The following OR1L3 variants were observed in gnomAD, a reference collection of about 807,000 sequenced individuals.
OR1L3 encodes olfactory receptor 1L3.
For missense variants in OR1L3, 374 were observed against 386.4 expected (o/e 0.97, Z 0.27); for synonymous variants, 137 against 144.5 (o/e 0.95, Z 0.37).
In OR1L3 at chr9:122,675,952, A is replaced by G. The variant is rs373358309; in HGVS notation, c.823A>G (p.Ile275Val). 5 of 1,614,166 alleles carry G rather than the reference A, an allele frequency of 3.1e-6. No homozygotes were observed. The highest frequency in any genetic ancestry group is 1.1e-5 in the South Asian group (1 of 91,078). The stretch of plus-strand genomic sequence containing the variant: ...TACTGTCAAGGACCGAATAGCAACA[A>G]TCAACTACACTGTGTTGACATCAGT... ...SYTVKDRIAT[I>V]NYTVLTSVLN... is the part of the protein sequence containing the mutation. Residue 275 changes from isoleucine to valine, a missense_variant, in exon 1 of 1, where the codon ATC becomes GTC. Transcript: ENST00000304820.
In OR1L3 at chr9:122,675,159, T is replaced by A. The variant is rs1170544902; in HGVS notation, c.30T>A (p.Ser10=). ...GAATGTCCAACCTGACAAGACTCTC[T>A]GAATTTATTCTCTTGGGACTCTCCT... MGMSNLTRL[S]EFILLGLSSR... Residue 10 remains serine, a synonymous_variant, in exon 1 of 1, where the codon TCT becomes TCA. Transcript: ENST00000304820. 1 of 1,610,412 alleles carries A rather than the reference T, an allele frequency of 6.2e-7. No homozygotes were observed. Among genetic ancestry groups the A allele is most frequent in the Non-Finnish European group, 8.5e-7 (1 of 1,178,676 alleles).
Position 122,675,384 on chromosome 9 carries a change from C to A in OR1L3, c.255C>A (p.Phe85Leu). The A allele has an allele frequency of 6.2e-7, 1 of 1,614,206 alleles. No homozygotes were observed. The highest frequency in any genetic ancestry group is 8.5e-7 in the Non-Finnish European group (1 of 1,180,024). ...TAGTCCCAAAGATGCTCGTGAACTTCTTATCAGAGAAAAAGACCATTTCCT... is the reference window on the plus strand; with the variant it reads ...TAGTCCCAAAGATGCTCGTGAACTTATTATCAGAGAAAAAGACCATTTCCT... ...TVIVPKMLVN[F>L]LSEKKTISYA... Residue 85 changes from phenylalanine (F) to leucine (L), a missense_variant, in exon 1 of 1, where the codon TTC (phenylalanine) becomes TTA (leucine). By Grantham distance (22) the Phe-to-Leu change is conservative. Coordinates refer to ENST00000304820, the MANE Select transcript of OR1L3 (RefSeq NM_001005234.1).
Position 122,675,263 on chromosome 9 carries a change from T to A in OR1L3, c.134T>A (p.Ile45Asn), listed in dbSNP as rs1255571759. 1 of 1,614,216 alleles carries A rather than the reference T, an allele frequency of 6.2e-7. No individual in the cohort carries two copies. The highest frequency in any genetic ancestry group is 1.3e-5 in the African/African-American group (1 of 75,066). The change falls in exon 1 of 1, where the codon ATC (isoleucine) becomes AAC (asparagine). Residue 45 changes from isoleucine to asparagine, a missense_variant. Ile to Asn is a moderately radical substitution (Grantham distance 149). Transcript: ENST00000304820. Reference protein sequence around the residue: ...YLVTLMGNLLIILAIHSDPRL... With the variant: ...YLVTLMGNLLNILAIHSDPRL... Reference sequence around the variant, plus strand: ...GTCACTTTGATGGGAAATCTGCTCATCATCTTGGCTATCCACTCTGATCCT... The same window carrying A: ...GTCACTTTGATGGGAAATCTGCTCAACATCTTGGCTATCCACTCTGATCCT...
Position 122,675,888 on chromosome 9 carries a change from G to A in OR1L3, c.759G>A (p.Gly253=), listed in dbSNP as rs1252245173. 1.2e-6 allele frequency: 2 copies of A among 1,613,878 alleles called. No homozygotes were observed. Among genetic ancestry groups the A allele is most frequent in the Non-Finnish European group, 1.7e-6 (2 of 1,179,994 alleles). The change falls in exon 1 of 1, where the codon GGG becomes GGA. Residue 253 remains glycine, a synonymous_variant. Transcript: ENST00000304820. ...SHLTVVILFY[G]SISYVYLQPL... is the part of the protein sequence containing the mutation. ...TCACTGTGGTGATTCTGTTTTATGG[G>A]AGTATTAGCTATGTCTATTTGCAGC...
At position 122,675,456 on chromosome 9, in the gene OR1L3, CATAG is replaced by C. The variant is rs780210812; in HGVS notation, c.332_335del (p.Asp111ValfsTer13). On this transcript the variant is annotated frameshift_variant, in exon 1 of 1. Transcript: ENST00000304820. LOFTEE classifies it low-confidence loss of function (END_TRUNC). ...TGTATTTCTTCCTGGTTTTTGGAAACATAGATAGTTATCTCCTGGCGGCTATGGC... is the reference window on the plus strand; with the variant it reads ...TGTATTTCTTCCTGGTTTTTGGAAACATAGTTATCTCCTGGCGGCTATGGC... 10 of 1,614,104 alleles carry C rather than the reference CATAG, an allele frequency of 6.2e-6. No homozygotes were observed. Among genetic ancestry groups the C allele is most frequent in the East Asian group, 4.5e-5 (2 of 44,898 alleles).
At position 122,675,594 on chromosome 9, in the gene OR1L3, C is replaced by T; in HGVS notation, c.465C>T (p.His155=). The T allele has an allele frequency of 1.2e-6, 2 of 1,614,206 alleles. No homozygotes were observed. The highest frequency in any genetic ancestry group is 1.1e-5 in the South Asian group (1 of 91,086). Residue 155 remains histidine (H), a synonymous_variant, in exon 1 of 1, where the codon CAC becomes CAT. Coordinates refer to ENST00000304820, the MANE Select transcript of OR1L3 (RefSeq NM_001005234.1). ...TCCCCATCACTTTCTCCTATTTCCA[C>T]TCTCTCCTACATGTCCTCCTGGTGA... ...LAFPITFSYF[H]SLLHVLLVNR...
Position 122,675,370 on chromosome 9 carries a change from A to T in OR1L3, c.241A>T (p.Met81Leu). ...ICYTTVIVPK[M>L]LVNFLSEKKT... is the part of the protein sequence containing the mutation. ...CTACACAACAGTCATAGTCCCAAAGATGCTCGTGAACTTCTTATCAGAGAA... is the reference window on the plus strand; with the variant it reads ...CTACACAACAGTCATAGTCCCAAAGTTGCTCGTGAACTTCTTATCAGAGAA... Residue 81 changes from methionine (M) to leucine (L), a missense_variant, in exon 1 of 1, where the codon ATG becomes TTG. Met to Leu is a conservative substitution (Grantham distance 15). Coordinates refer to ENST00000304820, the MANE Select transcript of OR1L3 (RefSeq NM_001005234.1). The T allele has an allele frequency of 1.2e-6, 2 of 1,614,248 alleles. No individual in the cohort carries two copies. Among genetic ancestry groups the T allele is most frequent in the Non-Finnish European group, 1.7e-6 (2 of 1,180,038 alleles).
rs751990133 is a variant in OR1L3 at position 122,675,375 on chromosome 9, C to A, written c.246C>A (p.Leu82=). ...CYTTVIVPKM[L]VNFLSEKKTI... Reference sequence around the variant, plus strand: ...CAACAGTCATAGTCCCAAAGATGCTCGTGAACTTCTTATCAGAGAAAAAGA... The same window carrying A: ...CAACAGTCATAGTCCCAAAGATGCTAGTGAACTTCTTATCAGAGAAAAAGA... Residue 82 remains leucine, a synonymous_variant, in exon 1 of 1, where the codon CTC becomes CTA. Coordinates refer to ENST00000304820, the MANE Select transcript of OR1L3 (RefSeq NM_001005234.1). 6.2e-7 allele frequency: 1 copy of A among 1,614,104 alleles called. No homozygotes were observed. Among genetic ancestry groups the A allele is most frequent in the Non-Finnish European group, 8.5e-7 (1 of 1,180,044 alleles).
rs755275915 is a variant in OR1L3 at position 122,675,283 on chromosome 9, G to T, written c.154G>T (p.Asp52Tyr). ...GCTCATCATCTTGGCTATCCACTCT[G>T]ATCCTCGACTTCAAAACCCTATGTA... is the stretch of plus-strand genomic sequence containing the variant. ...NLLIILAIHS[D>Y]PRLQNPMYFF... Residue 52 changes from aspartate (D) to tyrosine (Y), a missense_variant, in exon 1 of 1, where the codon GAT becomes TAT. Transcript: ENST00000304820. 1.2e-6 allele frequency: 2 copies of T among 1,614,134 alleles called. No homozygotes were observed. Among genetic ancestry groups the T allele is most frequent in the South Asian group, 2.2e-5 (2 of 91,076 alleles).
chr9:122,676,072 T>C lies in OR1L3; in HGVS notation c.943T>C (p.Ser315Pro). The change falls in exon 1 of 1, where the codon TCT (serine) becomes CCT (proline). Residue 315 changes from serine (S) to proline (P), a missense_variant. Physicochemically the swap from Ser to Pro is moderately conservative, Grantham distance 74. Coordinates refer to ENST00000304820, the MANE Select transcript of OR1L3 (RefSeq NM_001005234.1). ...GATTAAGTCTCAAATGAGTAGGTTC[T>C]CTACAAAGACCAATAAAATCTGTGG... is the stretch of plus-strand genomic sequence containing the variant. ...NKIKSQMSRF[S>P]TKTNKICGP The C allele has an allele frequency of 6.3e-7, 1 of 1,595,162 alleles. No homozygotes were observed. Among genetic ancestry groups the C allele is most frequent in the Middle Eastern group, 1.8e-4 (1 of 5,490 alleles).
At position 122,675,576 on chromosome 9, in the gene OR1L3, C is replaced by G; in HGVS notation, c.447C>G (p.Ile149Met). Residue 149 changes from isoleucine (I) to methionine (M), a missense_variant, in exon 1 of 1, where the codon ATC (isoleucine) becomes ATG (methionine). Transcript: ENST00000304820. ...RCCVLLLAFP[I>M]TFSYFHSLLH... is the part of the protein sequence containing the mutation. ...GTGTGTTGCTACTAGCATTCCCCATCACTTTCTCCTATTTCCACTCTCTCC... is the reference window on the plus strand; with the variant it reads ...GTGTGTTGCTACTAGCATTCCCCATGACTTTCTCCTATTTCCACTCTCTCC... 1 of 1,614,182 alleles carries G rather than the reference C, an allele frequency of 6.2e-7. No individual in the cohort carries two copies. Among genetic ancestry groups the G allele is most frequent in the Non-Finnish European group, 8.5e-7 (1 of 1,180,026 alleles).
chr9:122,675,151 A>G lies in OR1L3; in HGVS notation c.22A>G (p.Arg8Gly). Reference protein sequence around the residue: MGMSNLTRLSEFILLGLS... With the variant: MGMSNLTGLSEFILLGLS... ...GTCCATGGGAATGTCCAACCTGACAAGACTCTCTGAATTTATTCTCTTGGG... is the reference window on the plus strand; with the variant it reads ...GTCCATGGGAATGTCCAACCTGACAGGACTCTCTGAATTTATTCTCTTGGG... The change falls in exon 1 of 1, where the codon AGA (arginine) becomes GGA (glycine). Residue 8 changes from arginine (R) to glycine (G), a missense_variant. By Grantham distance (125) the Arg-to-Gly change is moderately radical. Coordinates refer to ENST00000304820, the MANE Select transcript of OR1L3 (RefSeq NM_001005234.1). The G allele has an allele frequency of 6.2e-7, 1 of 1,608,284 alleles. No individual in the cohort carries two copies.
At position 122,675,979 on chromosome 9, in the gene OR1L3, T is replaced by G; in HGVS notation, c.850T>G (p.Leu284Val). The change falls in exon 1 of 1, where the codon TTG becomes GTG. Residue 284 changes from leucine (L) to valine (V), a missense_variant. Physicochemically the swap from Leu to Val is conservative, Grantham distance 32. Coordinates refer to ENST00000304820, the MANE Select transcript of OR1L3 (RefSeq NM_001005234.1). ...TINYTVLTSV[L>V]NPFIYSLRNK... ...CAACTACACTGTGTTGACATCAGTG[T>G]TGAACCCATTTATCTACAGTTTAAG... 6.2e-7 allele frequency: 1 copy of G among 1,614,180 alleles called. No homozygotes were observed.
Position 122,675,424 on chromosome 9 carries a change from G to A in OR1L3, c.295G>A (p.Ala99Thr). The A allele has an allele frequency of 6.2e-7, 1 of 1,614,124 alleles. No homozygotes were observed. The highest frequency in any genetic ancestry group is 8.5e-7 in the Non-Finnish European group (1 of 1,180,018). Residue 99 changes from alanine to threonine, a missense_variant, in exon 1 of 1, where the codon GCA (alanine) becomes ACA (threonine). By Grantham distance (58) the Ala-to-Thr change is moderately conservative. Coordinates refer to ENST00000304820, the MANE Select transcript of OR1L3 (RefSeq NM_001005234.1). ...GACCATTTCCTATGCTGAATGTCTG[G>A]CACAGATGTATTTCTTCCTGGTTTT... ...KKTISYAECL[A>T]QMYFFLVFGN...
chr9:122,675,330 CT>C lies in OR1L3; in HGVS notation c.204del (p.Phe68LeufsTer10). ...PMYFFLSILS[F>X]ADICYTTVIV... Reference sequence around the variant, plus strand: ...TGTATTTTTTCCTAAGCATCTTGTCCTTTGCTGATATTTGCTACACAACAGT... The same window carrying C: ...TGTATTTTTTCCTAAGCATCTTGTCCTTGCTGATATTTGCTACACAACAGT... On this transcript the variant is annotated frameshift_variant, in exon 1 of 1. Transcript: ENST00000304820. LOFTEE classifies it low-confidence loss of function (END_TRUNC). 6.2e-7 allele frequency: 1 copy of C among 1,614,186 alleles called. No homozygotes were observed. The highest frequency in any genetic ancestry group is 8.5e-7 in the Non-Finnish European group (1 of 1,180,030).
In OR1L3 at chr9:122,675,759, A is replaced by AT; in HGVS notation, c.633dup (p.Val212CysfsTer45). On this transcript the variant is annotated frameshift_variant, in exon 1 of 1. Coordinates refer to ENST00000304820, the MANE Select transcript of OR1L3 (RefSeq NM_001005234.1). LOFTEE classifies it low-confidence loss of function (END_TRUNC). ...AAGGGCTGGCCTCTGTGATGGCTCC[A>AT]TTTGTCTGTATCATCATCTCTTATC... 6.2e-7 allele frequency: 1 copy of AT among 1,614,126 alleles called. No individual in the cohort carries two copies. Among genetic ancestry groups the AT allele is most frequent in the Non-Finnish European group, 8.5e-7 (1 of 1,180,028 alleles).
chr9:122,675,229 A>G lies in OR1L3; in HGVS notation c.100A>G (p.Ile34Val), dbSNP rs759216928. ...GCCACTCTTTGCCCTCTTTCTTATC[A>G]TATACCTGGTCACTTTGATGGGAAA... ...QRPLFALFLI[I>V]YLVTLMGNLL... The change falls in exon 1 of 1, where the codon ATA (isoleucine) becomes GTA (valine). Residue 34 changes from isoleucine to valine, a missense_variant. Coordinates refer to ENST00000304820, the MANE Select transcript of OR1L3 (RefSeq NM_001005234.1). 5 of 1,614,132 alleles carry G rather than the reference A, an allele frequency of 3.1e-6. No individual in the cohort carries two copies. In the Admixed American group the frequency reaches 6.7e-5, roughly 22 times the overall value.
At position 122,675,460 on chromosome 9, in the gene OR1L3, GAT is replaced by G. The variant is rs1199033885; in HGVS notation, c.333_334del (p.Asp111GlufsTer17). 9 of 1,614,174 alleles carry G rather than the reference GAT, an allele frequency of 5.6e-6. 1 individual carries two copies. The African/African-American group carries it at 1.1e-4, about 19-fold the overall frequency. ...TTTCTTCCTGGTTTTTGGAAACATA[GAT>G]AGTTATCTCCTGGCGGCTATGGCCA... is the stretch of plus-strand genomic sequence containing the variant. ...MYFFLVFGNI[D>X]SYLLAAMAIN... On this transcript the variant is annotated frameshift_variant, in exon 1 of 1. Coordinates refer to ENST00000304820, the MANE Select transcript of OR1L3 (RefSeq NM_001005234.1). LOFTEE classifies it low-confidence loss of function (END_TRUNC).
Position 122,675,338 on chromosome 9 carries a change from A to G in OR1L3, c.209A>G (p.Asp70Gly). Residue 70 changes from aspartate to glycine, a missense_variant, in exon 1 of 1, where the codon GAT becomes GGT. Coordinates refer to ENST00000304820, the MANE Select transcript of OR1L3 (RefSeq NM_001005234.1). ...TTCCTAAGCATCTTGTCCTTTGCTG[A>G]TATTTGCTACACAACAGTCATAGTC... is the stretch of plus-strand genomic sequence containing the variant. ...YFFLSILSFA[D>G]ICYTTVIVPK... 3.1e-6 allele frequency: 5 copies of G among 1,614,212 alleles called. No homozygotes were observed. The highest frequency in any genetic ancestry group is 4.2e-6 in the Non-Finnish European group (5 of 1,180,032).
Sources: allele counts gnomAD v4.1 joint callset, GRCh38; gene constraint gnomAD v4.1.1; transcripts MANE v1.5; gene names NCBI Gene and HGNC (gene_info 2026-07-23, HGNC 2026-07-21).